The following SLC28A1 variants were observed in gnomAD, a reference collection of about 807,000 sequenced individuals.
SLC28A1 encodes the protein solute carrier family 28 member 1, also known as sodium/nucleoside cotransporter 1.
In SLC28A1, 64 loss-of-function variants were observed where a neutral mutation model predicts 74.8. The ratio of observed to expected loss-of-function variants is 0.86; its 90% CI spans 0.70 to 1.05. The LOEUF is 1.05. Among genes scored for constraint, SLC28A1 ranks in the 50% least tolerant of loss-of-function variants. The probability of loss-of-function intolerance (pLI) is 0.00; values close to 1 mark genes in which losing one functional copy is unlikely to be tolerated. For synonymous variants in SLC28A1, 359 were observed against 335.0 expected, an observed-to-expected ratio of 1.07 and a Z score of -0.78; for missense variants, 828 against 822.8, an observed-to-expected ratio of 1.01 and a Z score of -0.08.
At chr15:84,959,335 C>T in the SLC28A1 span, among the ~76,000 whole-genome samples, 1 of 151,870 alleles carries the variant, frequency 6.6e-6, no homozygotes, top group African/African-American at 2.4e-5. Flanking sequence ...AAACTCCTGG[C>T]CTCAAGTGAT....
At position 84,945,478 on chromosome 15, in the gene SLC28A1, C is replaced by G. The variant is rs574649754; in HGVS notation, c.*278C>G. On this transcript the variant is annotated 3_prime_UTR_variant, in exon 19 of 19. Coordinates refer to ENST00000394573, the MANE Select transcript of SLC28A1 (RefSeq NM_004213.5). Reference sequence around the variant, plus strand: ...TCACTTCTGCCTCCTCCCGTTTCCCCTCCACATCCAAACAGCACCCTGGTC... The same window carrying G: ...TCACTTCTGCCTCCTCCCGTTTCCCGTCCACATCCAAACAGCACCCTGGTC... The G allele has an allele frequency of 8.9e-5, 41 of 463,182 alleles. No individual in the cohort carries two copies. The highest frequency in any genetic ancestry group is 8.2e-4 in the African/African-American group (41 of 50,298). The allele number at this position is 463,182 out of a possible 1,614,324, so 28.7% of individuals were successfully genotyped here.
At chr15:84,911,794 G>A (rs2141845132) in intron 9 of SLC28A1, among the ~76,000 whole-genome samples, 1 of 149,804 alleles carries the variant, frequency 6.7e-6, no homozygotes, top group South Asian at 2.1e-4. Flanking sequence ...GGGAGACGGA[G>A]GTTGCAGTGA....
chr15:84,920,813 C>G (rs1285910569), intron 10 of SLC28A1, among the ~76,000 whole-genome samples, 176 bp from the exon 11 acceptor site: 1 of 151,994 alleles, frequency 6.6e-6, no homozygotes, highest in East Asian at 1.9e-4. Context: ...GGTAAGCCCC[C>G]ATCAATGAAG....
At chr15:84,968,261 G>T in the SLC28A1 span, among the ~76,000 whole-genome samples, 1 of 152,300 alleles carries the variant, frequency 6.6e-6, no homozygotes, top group Middle Eastern at 3.4e-3. Context: ...CTTGCTTGAT[G>T]GGTGTTGTGA....
chr15:84,926,361 G>C lies in SLC28A1; in HGVS notation c.1083+2251G>C, dbSNP rs188560610. 4.6e-4 allele frequency among the ~76,000 whole-genome samples: 57 copies of C among 125,260 alleles called. 1 individual carries two copies. Among genetic ancestry groups the C allele is most frequent in the African/African-American group, 1.7e-3 (53 of 30,308 alleles). The allele number at this position is 125,260 out of a possible 152,430, so 82.2% of individuals were successfully genotyped here. A position where few individuals can be genotyped will look rare whatever the true frequency, so the allele number is the denominator to read the frequency against. ...CTACATACGTGCGCCACCACCCCTG[G>C]CTATTTTTTTTTTTTTTTTTTGGTA... On this transcript the variant is annotated intron_variant, in intron 12 of 18. Transcript: ENST00000394573.
intron 4 of SLC28A1, among the ~76,000 whole-genome samples, chr15:84,890,074 A>T (rs753273416): frequency 2.6e-5 from 4 of 151,918 alleles, no homozygotes; most frequent in Non-Finnish European, 5.9e-5. Flanking sequence ...GGCTCAAGTG[A>T]TCCACGCTCC....
intron 9 of SLC28A1, among the ~76,000 whole-genome samples, chr15:84,911,858 C>CAAAAAAAA (rs57067372): frequency 3.5e-5 from 4 of 114,696 alleles, no homozygotes; most frequent in Admixed American, 9.6e-5. Flanking sequence ...GACTCCATCT[C>CAAAAAAAA]AAAAAAAAAA....
At chr15:84,885,891 A>G (rs1567106900) in intron 1 of SLC28A1, among the ~76,000 whole-genome samples, 1 of 152,228 alleles carries the variant, frequency 6.6e-6, no homozygotes, top group African/African-American at 2.4e-5. Context: ...TTCAAATGAC[A>G]GATGAAGAAA....
chr15:84,888,094 G>T (rs1341623747), intron 3 of SLC28A1, among the ~76,000 whole-genome samples: 2 of 152,152 alleles, frequency 1.3e-5, no homozygotes, highest in Non-Finnish European at 2.9e-5. Flanking sequence ...GTGCACTATA[G>T]TCTGAAAGTC....
chr15:84,896,068 T>C (rs112352470), intron 6 of SLC28A1: 3 of 564,918 alleles, frequency 5.3e-6, no homozygotes, highest in African/African-American at 4.1e-5. Flanking sequence ...GACAAGTCAT[T>C]GATAATGGTT....
chr15:84,933,167 C>T lies in SLC28A1; in HGVS notation c.1106C>T (p.Ala369Val), dbSNP rs1408101301. 1 of 1,613,634 alleles carries T rather than the reference C, an allele frequency of 6.2e-7. No homozygotes were observed. Among genetic ancestry groups the T allele is most frequent in the Non-Finnish European group, 8.5e-7 (1 of 1,179,720 alleles). ...CAGATCGATGCCACCTCGTTGATTG[C>T]AGCCTCTGTGATGGCTGCCCCTTGT... ...SFGIDATSLIAASVMAAPCAL... is the reference protein window; with the variant it reads ...SFGIDATSLIVASVMAAPCAL... The change falls in exon 13 of 19, where the codon GCA becomes GTA. Residue 369 changes from alanine (A) to valine (V), a missense_variant. Ala to Val is a moderately conservative substitution (Grantham distance 64, BLOSUM62 0). Coordinates refer to ENST00000394573, the MANE Select transcript of SLC28A1 (RefSeq NM_004213.5).
intron 5 of SLC28A1, among the ~76,000 whole-genome samples, chr15:84,893,553 C>G (rs1345302829): frequency 7.5e-6 from 1 of 133,888 alleles, no homozygotes; most frequent in Non-Finnish European, 1.7e-5. Context: ...CCCTTCATCC[C>G]TTCCTCTGGG....
chr15:84,897,773 C>T (rs376169604), intron 6 of SLC28A1, among the ~76,000 whole-genome samples: 2 of 152,318 alleles, frequency 1.3e-5, no homozygotes, highest in South Asian at 2.1e-4. Context: ...ATCAACTACT[C>T]GTCATCCCGC....
At chr15:84,969,610 C>T in the SLC28A1 span, among the ~76,000 whole-genome samples, 2 of 152,206 alleles carry the variant, frequency 1.3e-5, no homozygotes, top group Non-Finnish European at 2.9e-5. Context: ...CCAAGCACAA[C>T]ATGCAGAGGG....
intron 12 of SLC28A1, among the ~76,000 whole-genome samples, chr15:84,927,452 G>A (rs1429002722): frequency 1.3e-5 from 2 of 152,176 alleles, no homozygotes; most frequent in African/African-American, 4.8e-5. Context: ...TCGACTGAGT[G>A]GAGGAAAAAC....
At chr15:84,965,820 T>G in the SLC28A1 span, among the ~76,000 whole-genome samples, 8 of 148,626 alleles carry the variant, frequency 5.4e-5, no homozygotes, top group South Asian at 4.2e-4. Flanking sequence ...GTAAGTGTGA[T>G]AGAGGCCATT....
rs1158835149 is a variant in SLC28A1 at position 84,900,961 on chromosome 15, C to T, written c.462-3136C>T. On this transcript the variant is annotated intron_variant, in intron 6 of 18. Transcript: ENST00000394573. ...AACTTAGGCCAGGTGTGGTGGCTCA[C>T]GCCTGTAATCCCAGCACTTTGGGAG... Among the ~76,000 whole-genome samples the T allele has an allele frequency of 7.2e-5, 11 of 152,246 alleles. No homozygotes were observed. The South Asian group carries it at 8.3e-4, about 11-fold the overall frequency.
chr15:84,944,810 C>T lies in SLC28A1; in HGVS notation c.1817C>T (p.Thr606Met), dbSNP rs779194553. ...AEVDCMSLLNTTLSSSSFEIY... is the reference protein window; with the variant it reads ...AEVDCMSLLNMTLSSSSFEIY... ...GTTGACTGCATGTCCCTCTTGAACA[C>T]GACCCTCAGCAGCAGTAGCTTTGAG... The change falls in exon 18 of 19, where the codon ACG becomes ATG. Residue 606 changes from threonine (T) to methionine (M), a missense_variant. By Grantham distance (81) the Thr-to-Met change is moderately conservative. Around this residue, in one of 3 missense-constraint regions of SLC28A1, gnomAD observed 8 missense variants for 24.9 expected, o/e 0.32. Transcript: ENST00000394573. The T allele has an allele frequency of 3.6e-5, 58 of 1,613,964 alleles. No homozygotes were observed. The highest frequency in any genetic ancestry group is 4.4e-5 in the South Asian group (4 of 91,088).
intron 6 of SLC28A1, among the ~76,000 whole-genome samples, chr15:84,900,867 AAGGCAAGG>A (rs2141738293): frequency 9.2e-6 from 1 of 108,764 alleles, no homozygotes; most frequent in East Asian, 2.3e-4. Flanking sequence ...GGAAGGGTGA[AAGGCAAGG>A]AAGGAAGGAA....
Sources: gnomAD v4.1 joint callset for allele counts (sites outside exome capture counted in the v4.1 genomes callset) on GRCh38, gnomAD v4.1.1 for gene constraint, gnomAD v4.1.1 regional missense constraint, MANE v1.5 for transcripts, NCBI Gene and HGNC (gene_info 2026-07-23, HGNC 2026-07-21) for gene names.